Variants in CDH4 observed in about 807,000 individuals in gnomAD.
The protein encoded by CDH4 is cadherin 4, also known as cadherin-4.
In CDH4, 33 loss-of-function variants were observed where a neutral mutation model predicts 86.0. The ratio of observed to expected loss-of-function variants is 0.38; its 90% confidence interval spans 0.29 to 0.51. The LOEUF (loss-of-function observed/expected upper bound fraction) is 0.51. Among genes scored for constraint, CDH4 ranks in the 20% least tolerant of loss-of-function variants. The pLI, the probability that CDH4 is intolerant of heterozygous loss-of-function variation, is 0.86. For synonymous variants in CDH4, 555 were observed against 549.4 expected, an observed-to-expected ratio of 1.01 and a Z score of -0.14; for missense variants, 1,114 against 1,307.4, an observed-to-expected ratio of 0.85 and a Z score of 2.28.
At chr20:61,345,438 T>C (rs564154164) in intron 2 of CDH4, among the ~76,000 whole-genome samples, 2 of 152,392 alleles carry the variant, frequency 1.3e-5, no homozygotes, top group South Asian at 4.1e-4. Flanking sequence ...TAATGTTTCA[T>C]TGAACATTCC....
chr20:61,908,474 C>T lies in CDH4; in HGVS notation c.1189-1948C>T, dbSNP rs141200357. 3.1e-3 allele frequency among the ~76,000 whole-genome samples: 467 copies of T among 152,288 alleles called. 6 individuals are homozygous for T. Among genetic ancestry groups the T allele is most frequent in the African/African-American group, 0.011 (455 of 41,552 alleles). On this transcript the variant is annotated intron_variant, in intron 8 of 15. Transcript: ENST00000614565. ...GGCGCGGGTGGGTCGGGTGAATCTG[C>T]GCCATCTCACAGCCTCCTCTCACAC...
At chr20:61,851,933 C>A (rs1215606800) in intron 5 of CDH4, among the ~76,000 whole-genome samples, 1 of 152,268 alleles carries the variant, frequency 6.6e-6, no homozygotes, top group Non-Finnish European at 1.5e-5. Flanking sequence ...CAGCACCTGC[C>A]ATTGCAGGCC....
intron 4 of CDH4, among the ~76,000 whole-genome samples, chr20:61,789,745 T>TC (rs974259631): frequency 1.3e-5 from 2 of 152,200 alleles, no homozygotes; most frequent in African/African-American, 4.8e-5. Context: ...GCACAGCGTT[T>TC]CCCACTCACC....
rs1555834470 is a variant in CDH4 at position 61,296,269 on chromosome 20, G to GTGCA, written c.169+41334_169+41335insCATG. ...TGTGTGTGTGCATGTGTGCGTGTGT[G>GTGCA]TGTGTGCGTGGGTGCGTGTGTGTGT... On this transcript the variant is annotated intron_variant, in intron 2 of 15. Transcript: ENST00000614565. Among the ~76,000 whole-genome samples the GTGCA allele has an allele frequency of 8.7e-4, 125 of 144,454 alleles. 3 individuals carry two copies. The highest frequency in any genetic ancestry group is 6.7e-4 in the South Asian group (3 of 4,496). The allele number at this position is 144,454 out of a possible 152,430, so 94.8% of individuals were successfully genotyped here. A position where few individuals can be genotyped will look rare whatever the true frequency, so the allele number is the denominator to read the frequency against.
chr20:61,785,900 T>C (rs1978854814), intron 4 of CDH4, among the ~76,000 whole-genome samples: 1 of 152,130 alleles, frequency 6.6e-6, no homozygotes, highest in East Asian at 1.9e-4. Context: ...GAGAATGAGG[T>C]AGGTTTCTTT....
chr20:61,672,039 GGATA>G (rs1472912313), intron 2 of CDH4, among the ~76,000 whole-genome samples: 1 of 129,292 alleles, frequency 7.7e-6, no homozygotes, highest in Non-Finnish European at 1.6e-5. Flanking sequence ...GTGGATGGGT[GGATA>G]GATAGATAAA....
rs201437377 is a variant in CDH4, at chr20:61,844,866, G to A, written c.732+43G>A. The A allele has an allele frequency of 3.8e-5, 59 of 1,572,772 alleles. No individual in the cohort carries two copies. The African/African-American group carries it at 4.8e-4, about 13-fold the overall frequency. On this transcript the variant is annotated intron_variant, in intron 5 of 15. Coordinates refer to ENST00000614565, the MANE Select transcript of CDH4 (RefSeq NM_001794.5). Reference sequence around the variant, plus strand: ...GCTGAGAATGGGGCCCTGGGGTGGCGATCCCAGCCCTACCAGGCCTTGGCA... The same window carrying A: ...GCTGAGAATGGGGCCCTGGGGTGGCAATCCCAGCCCTACCAGGCCTTGGCA...
At chr20:61,525,047 T>G (rs1411528072) in intron 2 of CDH4, among the ~76,000 whole-genome samples, 1 of 152,164 alleles carries the variant, frequency 6.6e-6, no homozygotes, top group Non-Finnish European at 1.5e-5. Context: ...AAGTCAGAAA[T>G]TATGCGGGGC....
chr20:61,342,845 A>T (rs2084656218), intron 2 of CDH4, among the ~76,000 whole-genome samples: 1 of 152,206 alleles, frequency 6.6e-6, no homozygotes, highest in Admixed American at 6.5e-5. Context: ...ATTTGTGAAT[A>T]AAAAAATGCT....
intron 9 of CDH4, among the ~76,000 whole-genome samples, chr20:61,912,939 C>A (rs993630919): frequency 1.3e-5 from 2 of 152,200 alleles, no homozygotes; most frequent in African/African-American, 4.8e-5. Context: ...GGCAACGTTG[C>A]TCATGGGAAG....
rs1332403896 is a variant in CDH4, at chr20:61,681,568, G to A, written c.170-61995G>A. ...TAGCTCCCGAACTCTTGTTCCAAGG[G>A]GTAGGAGAAAAAGGGGGCATCATCT... On this transcript the variant is annotated intron_variant, in intron 2 of 15. Transcript: ENST00000614565. This position sits in a 1 kb window ranked among gnomAD's most constrained non-coding sequence, Gnocchi z 4.5. Among the ~76,000 whole-genome samples the A allele has an allele frequency of 6.6e-6, 1 of 152,124 alleles. No homozygotes were observed. Among genetic ancestry groups the A allele is most frequent in the Non-Finnish European group, 1.5e-5 (1 of 68,018 alleles).
At chr20:61,749,669 G>A (rs990872120) in intron 3 of CDH4, among the ~76,000 whole-genome samples, 1 of 152,138 alleles carries the variant, frequency 6.6e-6, no homozygotes, top group African/African-American at 2.4e-5. Context: ...GGAAATTAGT[G>A]AATATTTTGA....
chr20:61,689,665 A>G (rs1486606930), intron 2 of CDH4, among the ~76,000 whole-genome samples: 2 of 150,138 alleles, frequency 1.3e-5, no homozygotes, highest in African/African-American at 2.5e-5. Flanking sequence ...GGCCTGGGAC[A>G]TTGTTTGGTG....
chr20:61,700,377 T>C (rs551868142), intron 2 of CDH4, among the ~76,000 whole-genome samples: 15 of 152,354 alleles, frequency 9.8e-5, no homozygotes, highest in East Asian at 9.6e-4. Flanking sequence ...CTGGGATATA[T>C]TCTTGGTCTG....
At chr20:61,828,605 G>A (rs940490316) in intron 4 of CDH4, among the ~76,000 whole-genome samples, 1 of 152,192 alleles carries the variant, frequency 6.6e-6, no homozygotes, top group Admixed American at 6.5e-5. Flanking sequence ...GGAGGGTCCT[G>A]AGGAAATGGA....
intron 2 of CDH4, among the ~76,000 whole-genome samples, chr20:61,680,385 G>A (rs2087498517): frequency 6.6e-6 from 1 of 152,158 alleles, no homozygotes; most frequent in Non-Finnish European, 1.5e-5. Context: ...TCCTGCCTCC[G>A]TGACCTTGCC....
At chr20:61,347,249 G>A (rs1354041156) in intron 2 of CDH4, among the ~76,000 whole-genome samples, 2 of 152,208 alleles carry the variant, frequency 1.3e-5, no homozygotes, top group Non-Finnish European at 2.9e-5. Context: ...AGCCCGTGCC[G>A]CTGCCTGGCT....
chr20:61,425,772 G>A (rs959046835), intron 2 of CDH4, among the ~76,000 whole-genome samples: 24 of 152,100 alleles, frequency 1.6e-4, no homozygotes, highest in African/African-American at 4.8e-4. Context: ...CGAGGGCCCC[G>A]CCCAGGGCAG....
chr20:61,374,023 G>C (rs980003882), intron 2 of CDH4, among the ~76,000 whole-genome samples: 1 of 152,140 alleles, frequency 6.6e-6, no homozygotes, highest in African/African-American at 2.4e-5. Context: ...CGGGTGTGGA[G>C]GGTTTAGCGA....
Sources: gnomAD v4.1 joint callset for allele counts (sites outside exome capture counted in the v4.1 genomes callset) on GRCh38, gnomAD v4.1.1 for gene constraint, Gnocchi (gnomAD v3.1) non-coding constraint, MANE v1.5 for transcripts, NCBI Gene and HGNC (gene_info 2026-07-23, HGNC 2026-07-21) for gene names.